The following TRARG1 variants were observed in gnomAD, a reference collection of about 807,000 sequenced individuals.
The protein encoded by TRARG1 is trafficking regulator of GLUT4 (SLC2A4) 1 (gene/pseudogene), also known as trafficking regulator of GLUT4 1.
TRARG1 carries 16 observed loss-of-function variants against 13.3 expected under a neutral mutation model. That is an observed-to-expected ratio of 1.20 (90% CI 0.81 to 1.83). The LOEUF (loss-of-function observed/expected upper bound fraction) is 1.83. Ranked by LOEUF, TRARG1 falls within the 40% of genes most tolerant of loss-of-function variation. The pLI is 0.00. For missense variants in TRARG1, 250 were observed against 237.4 expected, an observed-to-expected ratio of 1.05 and a Z score of -0.35; for synonymous variants, 113 against 106.2, an observed-to-expected ratio of 1.06 and a Z score of -0.39.
chr17:1,295,696 C>T, intron 2 of TRARG1, 73 bp downstream of exon 2: 1 of 1,491,528 alleles, frequency 6.7e-7, no homozygotes, highest in South Asian at 1.3e-5. Flanking sequence ...TGTACCCAGC[C>T]TCAGGGGCAG....
intron 1 of TRARG1, among the ~76,000 whole-genome samples, chr17:1,293,283 CA>C (rs55792385): frequency 0.018 from 1,415 of 77,154 alleles, 16 homozygotes; most frequent in Middle Eastern, 0.026. Flanking sequence ...GACTCTGTCT[CA>C]AAAAAAAAAA....
chr17:1,279,714 C>A lies in TRARG1; in HGVS notation c.-288C>A, dbSNP rs1046090360. ...TCCGTTGCTTCCCTGCCCATCTGTG[C>A]TCTCAGCAGCACCAGCAAAGTTGGC... On this transcript the variant is annotated 5_prime_UTR_variant, in exon 1 of 3. Transcript: ENST00000333813. 10 of 425,826 alleles carry A rather than the reference C, an allele frequency of 2.3e-5. No individual in the cohort carries two copies. Among genetic ancestry groups the A allele is most frequent in the African/African-American group, 2.0e-4 (10 of 50,286 alleles). 26.4% of individuals were successfully genotyped at this position (425,826 alleles called of 1,614,324 possible). A position where few individuals can be genotyped will look rare whatever the true frequency, so the allele number is the denominator to read the frequency against.
At position 1,280,063 on chromosome 17, in the gene TRARG1, T is replaced by C; in HGVS notation, c.62T>C (p.Leu21Pro). 1 of 1,613,482 alleles carries C rather than the reference T, an allele frequency of 6.2e-7. No homozygotes were observed. The highest frequency in any genetic ancestry group is 1.7e-5 in the Admixed American group (1 of 60,024). ...SAQEPGSAAF[L>P]DLPEMEILLT... ...CAGGAGCCAGGCTCCGCCGCATTCC[T>C]GGACCTGCCGGAGATGGAGATACTC... is the stretch of plus-strand genomic sequence containing the variant. Residue 21 changes from leucine to proline, a missense_variant, in exon 1 of 3, where the codon CTG becomes CCG. By Grantham distance (98) the Leu-to-Pro change is moderately conservative. Coordinates refer to ENST00000333813, the MANE Select transcript of TRARG1 (RefSeq NM_172367.3).
chr17:1,286,627 CGGCCTGTGGGGTGTT>C (rs2072026595), intron 1 of TRARG1, among the ~76,000 whole-genome samples: 1 of 129,594 alleles, frequency 7.7e-6, no homozygotes, highest in Non-Finnish European at 1.6e-5. Flanking sequence ...GTGTTGTTTT[CGGCCTGTGGGGTGTT>C]ATCGGCCTGT....
At chr17:1,295,852 G>A (rs1182876768) in intron 2 of TRARG1, among the ~76,000 whole-genome samples, 1 of 152,232 alleles carries the variant, frequency 6.6e-6, no homozygotes, top group African/African-American at 2.4e-5. Flanking sequence ...TGAACTGATG[G>A]AAAGGGTGTG....
chr17:1,294,757 C>T (rs1462373870), intron 1 of TRARG1, among the ~76,000 whole-genome samples: 1 of 150,364 alleles, frequency 6.7e-6, no homozygotes, highest in Non-Finnish European at 1.5e-5. Flanking sequence ...ACAATCTTGG[C>T]TCACTGCAAC....
At chr17:1,291,977 G>C (rs1247115433) in intron 1 of TRARG1, among the ~76,000 whole-genome samples, 2 of 152,146 alleles carry the variant, frequency 1.3e-5, no homozygotes, top group South Asian at 2.1e-4. Context: ...TTCAAGACCA[G>C]CCTGACCAAC....
At chr17:1,292,590 T>C (rs1361065735) in intron 1 of TRARG1, among the ~76,000 whole-genome samples, 1 of 152,216 alleles carries the variant, frequency 6.6e-6, no homozygotes, top group Non-Finnish European at 1.5e-5. Context: ...TTTTTGAACA[T>C]CTACACATTT....
At position 1,295,512 on chromosome 17, in the gene TRARG1, G is replaced by C. The variant is rs754701438; in HGVS notation, c.409G>C (p.Gly137Arg). Residue 137 changes from glycine to arginine, a missense_variant, in exon 2 of 3, where the codon GGC becomes CGC. By Grantham distance (125) the Gly-to-Arg change is moderately radical. Coordinates refer to ENST00000333813, the MANE Select transcript of TRARG1 (RefSeq NM_172367.3). ...SIMSRSSMQQ[G>R]NVDGARRLGR... is the part of the protein sequence containing the mutation. ...GCAGTCTCGAAGCAGCATGCAACAG[G>C]GCAACGTGGACGGCGCCCGGAGGCT... 131 of 1,610,812 alleles carry C rather than the reference G, an allele frequency of 8.1e-5. No homozygotes were observed. The highest frequency in any genetic ancestry group is 1.1e-4 in the Non-Finnish European group (129 of 1,178,868).
In TRARG1 at chr17:1,295,476, G is replaced by C. The variant is rs775059793; in HGVS notation, c.388-15G>C. 6.3e-7 allele frequency: 1 copy of C among 1,593,126 alleles called. No homozygotes were observed. The highest frequency in any genetic ancestry group is 8.5e-7 in the Non-Finnish European group (1 of 1,170,402). ...CCTTCCCGGTTCCCGGGGTCTCTCTGTGCTCTCTCCGCAGTCTCGAAGCAG... is the reference window on the plus strand; with the variant it reads ...CCTTCCCGGTTCCCGGGGTCTCTCTCTGCTCTCTCCGCAGTCTCGAAGCAG... On this transcript the variant is annotated splice_polypyrimidine_tract_variant and intron_variant, in intron 1 of 2. Transcript: ENST00000333813.
intron 1 of TRARG1, among the ~76,000 whole-genome samples, chr17:1,282,028 A>G (rs1423891738): frequency 2.2e-5 from 3 of 137,130 alleles, no homozygotes; most frequent in Non-Finnish European, 3.3e-5. Flanking sequence ...ATACATATGT[A>G]CATATATACA....
chr17:1,291,439 G>A (rs754847351), intron 1 of TRARG1, among the ~76,000 whole-genome samples: 31 of 152,174 alleles, frequency 2.0e-4, no homozygotes, highest in Non-Finnish European at 3.1e-4. Flanking sequence ...GGGCTTCCCC[G>A]TTTTGTTCGG....
chr17:1,291,412 T>G (rs941583519), intron 1 of TRARG1, among the ~76,000 whole-genome samples: 5 of 152,192 alleles, frequency 3.3e-5, no homozygotes. Context: ...CGCCTACCAA[T>G]CTGATGGTTT....
At position 1,298,333 on chromosome 17, in the gene TRARG1, C is replaced by A. The variant is rs372069762; in HGVS notation, c.*69C>A. The A allele has an allele frequency of 3.2e-6, 5 of 1,566,900 alleles. No individual in the cohort carries two copies. In the African/African-American group the frequency reaches 6.8e-5, roughly 21 times the overall value. ...CGGGAGAGCTCTGACCTGCACACCG[C>A]GGGAGGCCAGGGTGCTGACTGTCAA... On this transcript the variant is annotated 3_prime_UTR_variant, in exon 3 of 3. Transcript: ENST00000333813.
chr17:1,286,583 G>A (rs1471144192), intron 1 of TRARG1, among the ~76,000 whole-genome samples: 1 of 141,882 alleles, frequency 7.0e-6, no homozygotes, highest in Non-Finnish European at 1.5e-5. Context: ...CCTGTGGGGT[G>A]TTATCGGCCT....
At chr17:1,284,703 T>G (rs746993623) in intron 1 of TRARG1, among the ~76,000 whole-genome samples, 2 of 146,550 alleles carry the variant, frequency 1.4e-5, no homozygotes, top group African/African-American at 5.0e-5. Context: ...ATTTTTGAGA[T>G]GGAGTCTTGC....
chr17:1,288,111 C>T (rs1033019647), intron 1 of TRARG1, among the ~76,000 whole-genome samples: 1 of 151,976 alleles, frequency 6.6e-6, no homozygotes, highest in African/African-American at 2.4e-5. Flanking sequence ...CAGCTCTCTT[C>T]CTCTCCCGTC....
chr17:1,290,420 C>G (rs984104503), intron 1 of TRARG1, among the ~76,000 whole-genome samples: 2 of 152,122 alleles, frequency 1.3e-5, no homozygotes, highest in Non-Finnish European at 1.5e-5. Context: ...TTCAGCCTCC[C>G]GAGTAGCTGA....
chr17:1,298,782 G>T lies in TRARG1; in HGVS notation c.*518G>T. ...CACGCCCGCGGTGATCCCAGCCAGG[G>T]CCCCGAGCGCAGAGGCGGAGCTGTG... On this transcript the variant is annotated 3_prime_UTR_variant, in exon 3 of 3. Coordinates refer to ENST00000333813, the MANE Select transcript of TRARG1 (RefSeq NM_172367.3). The T allele has an allele frequency of 6.5e-6, 1 of 154,786 alleles. No individual in the cohort carries two copies. Among genetic ancestry groups the T allele is most frequent in the Non-Finnish European group, 1.4e-5 (1 of 69,730 alleles). 9.6% of individuals were successfully genotyped at this position (154,786 alleles called of 1,614,324 possible).
Sources: allele counts gnomAD v4.1 joint callset (sites outside exome capture counted in the v4.1 genomes callset), GRCh38; gene constraint gnomAD v4.1.1; transcripts MANE v1.5; gene names NCBI Gene and HGNC (gene_info 2026-07-23, HGNC 2026-07-21).